Variants in FRMD4B observed in about 807,000 individuals in gnomAD.
FRMD4B encodes the protein FERM domain containing 4B.
Under a neutral mutation model 141.5 loss-of-function variants are expected in FRMD4B, and 74 were observed. The ratio of observed to expected loss-of-function variants is 0.52; its 90% confidence interval spans 0.43 to 0.63. The LOEUF (loss-of-function observed/expected upper bound fraction) is 0.63, where lower values mean the gene tolerates loss of function less well. FRMD4B is among the 30% of genes least tolerant of loss of function. The pLI, the probability that FRMD4B is intolerant of heterozygous loss-of-function variation, is 0.00. For synonymous variants in FRMD4B, 506 were observed against 467.9 expected, an observed-to-expected ratio of 1.08 and a Z score of -1.05; for missense variants, 1,366 against 1,253.4, an observed-to-expected ratio of 1.09 and a Z score of -1.36.
At chr3:69,469,938 C>T (rs9310155) in intron 1 of FRMD4B, among the ~76,000 whole-genome samples, 3,773 of 152,136 alleles carry the variant, frequency 0.025, 168 homozygotes, top group African/African-American at 0.086. Flanking sequence ...TGTGTTGCAG[C>T]GAATGTTTCA....
intron 1 of FRMD4B, chr3:69,472,309 T>C (rs895118518): frequency 7.0e-6 from 3 of 428,976 alleles, no homozygotes; most frequent in African/African-American, 6.2e-5. Context: ...AACTTTTTTT[T>C]TCTTTGCATA....
chr3:69,250,653 C>T (rs2093458908), intron 5 of FRMD4B, among the ~76,000 whole-genome samples: 1 of 151,522 alleles, frequency 6.6e-6, no homozygotes, highest in South Asian at 2.1e-4. Flanking sequence ...AAATCAGTTA[C>T]AGCAAATGCT....
chr3:69,267,624 TATATATATATATAGAGAGAGAG>T (rs1559765373), intron 5 of FRMD4B, among the ~76,000 whole-genome samples: 71 of 18,424 alleles, frequency 3.9e-3, no homozygotes, highest in East Asian at 0.015. Context: ...TATATATATA[TATATATATATATAGAGAGAGAG>T]AGAGAGAGAG....
intron 7 of FRMD4B, among the ~76,000 whole-genome samples, chr3:69,230,849 G>C (rs1229885477): frequency 6.6e-6 from 1 of 151,946 alleles, no homozygotes; most frequent in Non-Finnish European, 1.5e-5. Flanking sequence ...TCATGTAATA[G>C]AATACCACGC....
In FRMD4B at chr3:69,200,508, C is replaced by G. The variant is rs1043390541; in HGVS notation, c.877-1734G>C. On this transcript the variant is annotated intron_variant, in intron 11 of 22. Coordinates refer to ENST00000398540, the MANE Select transcript of FRMD4B (RefSeq NM_015123.3). ...TCCCAGACGGCAGCTCCGGTGAGTTCTGAACTGAGTTTCATAAGACACTTA... is the reference window on the plus strand; with the variant it reads ...TCCCAGACGGCAGCTCCGGTGAGTTGTGAACTGAGTTTCATAAGACACTTA... 8.8e-5 allele frequency: 91 copies of G among 1,031,322 alleles called. No homozygotes were observed. In the African/African-American group the frequency reaches 1.5e-3, roughly 17 times the overall value. The allele number at this position is 1,031,322 out of a possible 1,614,324, so 63.9% of individuals were successfully genotyped here. A position where few individuals can be genotyped will look rare whatever the true frequency, so the allele number is the denominator to read the frequency against.
intron 1 of FRMD4B, among the ~76,000 whole-genome samples, chr3:69,478,105 A>T (rs1316109616): frequency 1.3e-5 from 2 of 151,712 alleles, no homozygotes; most frequent in Admixed American, 1.3e-4. Flanking sequence ...TTTCTTCTTT[A>T]TTAGTCTTGC....
At position 69,170,128 on chromosome 3, in the gene FRMD4B, G is replaced by T. The variant is rs780690962; in HGVS notation, c.*1733C>A. On this transcript the variant is annotated 3_prime_UTR_variant, in exon 23 of 23. Transcript: ENST00000398540. ...GTTTTTAATGTAAATATTTAAAAAT[G>T]TACATCCCGGAATTAATAAAATACG... 2 of 152,118 alleles carry T rather than the reference G, an allele frequency of 1.3e-5. No homozygotes were observed. Among genetic ancestry groups the T allele is most frequent in the Non-Finnish European group, 2.9e-5 (2 of 68,006 alleles). The allele number at this position is 152,118 out of a possible 1,614,324, so 9.4% of individuals were successfully genotyped here.
intron 3 of FRMD4B, among the ~76,000 whole-genome samples, chr3:69,304,792 A>G (rs1396130764): frequency 6.6e-6 from 1 of 152,180 alleles, no homozygotes; most frequent in Admixed American, 6.5e-5. Context: ...AATTCAATCT[A>G]AGAACATGCT....
chr3:69,464,443 C>T (rs868205525), intron 1 of FRMD4B, among the ~76,000 whole-genome samples: 21 of 152,168 alleles, frequency 1.4e-4, no homozygotes, highest in Admixed American at 8.5e-4. Flanking sequence ...TATATGATTT[C>T]TAAGGCAGAT....
chr3:69,353,440 T>C (rs910335290), intron 1 of FRMD4B: 5 of 280,272 alleles, frequency 1.8e-5, no homozygotes, highest in African/African-American at 1.1e-4. Flanking sequence ...CCCAGTACAA[T>C]ATTAAAATCT....
intron 1 of FRMD4B, among the ~76,000 whole-genome samples, chr3:69,476,166 T>C (rs1705994193): frequency 6.6e-6 from 1 of 151,466 alleles, no homozygotes; most frequent in Non-Finnish European, 1.5e-5. Flanking sequence ...CTGTTCACTC[T>C]GATGGTAGTT....
At chr3:69,366,009 C>A (rs1703636933) in intron 1 of FRMD4B, among the ~76,000 whole-genome samples, 1 of 150,464 alleles carries the variant, frequency 6.6e-6, no homozygotes, top group Non-Finnish European at 1.5e-5. Flanking sequence ...TCATTTGAGG[C>A]CAGGAGTTTG....
chr3:69,540,552 T>G (rs1243036706), intron 1 of FRMD4B, among the ~76,000 whole-genome samples: 2 of 141,066 alleles, frequency 1.4e-5, no homozygotes, highest in Non-Finnish European at 3.0e-5. Context: ...AGGCAGAGGT[T>G]GCAGTGAGCC....
chr3:69,429,330 C>T (rs1705138468), intron 2 of FRMD4B, among the ~76,000 whole-genome samples: 1 of 152,136 alleles, frequency 6.6e-6, no homozygotes, highest in South Asian at 2.1e-4. Flanking sequence ...ATAAGTATTG[C>T]CAAGTTAACT....
At chr3:69,303,383 A>G (rs1459027002) in intron 3 of FRMD4B, among the ~76,000 whole-genome samples, 2 of 152,068 alleles carry the variant, frequency 1.3e-5, no homozygotes, top group African/African-American at 4.8e-5. Context: ...AACAATTTCC[A>G]AGAGACGATA....
At chr3:69,214,792 A>G (rs1309470575) in intron 11 of FRMD4B, among the ~76,000 whole-genome samples, 1 of 152,056 alleles carries the variant, frequency 6.6e-6, no homozygotes, top group Non-Finnish European at 1.5e-5. Flanking sequence ...AGCCAGGGAA[A>G]TCGAGGCTGC....
intron 9 of FRMD4B, among the ~76,000 whole-genome samples, chr3:69,220,633 T>C (rs953274523): frequency 4.6e-5 from 7 of 152,136 alleles, no homozygotes; most frequent in Admixed American, 2.6e-4. Context: ...GGGCAGATCA[T>C]TTGAGGTCAA....
At chr3:69,421,980 C>T (rs1479072322) in intron 2 of FRMD4B, among the ~76,000 whole-genome samples, 1 of 152,238 alleles carries the variant, frequency 6.6e-6, no homozygotes, top group Non-Finnish European at 1.5e-5. Flanking sequence ...GATGAGTTCC[C>T]TTCAGTTGCA....
In FRMD4B at chr3:69,218,361, T is replaced by G; in HGVS notation, c.750A>C (p.Glu250Asp). 6.8e-7 allele frequency: 1 copy of G among 1,468,306 alleles called. No homozygotes were observed. The highest frequency in any genetic ancestry group is 9.5e-7 in the Non-Finnish European group (1 of 1,052,952). The allele number at this position is 1,468,306 out of a possible 1,614,324, so 91.0% of individuals were successfully genotyped here. A position where few individuals can be genotyped will look rare whatever the true frequency, so the allele number is the denominator to read the frequency against. The stretch of plus-strand genomic sequence containing the variant: ...AATGGACACCGTAAGTCGGTAGAGC[T>G]TCTACTATTTTCATATACCTATGGA... ...QAVVQYMKIV[E>D]ALPTYGVHYY... The change falls in exon 10 of 23, where the codon GAA (glutamate) becomes GAC (aspartate). Residue 250 changes from glutamate to aspartate, a missense_variant. Transcript: ENST00000398540.
Sources: allele counts gnomAD v4.1 joint callset (sites outside exome capture counted in the v4.1 genomes callset), GRCh38; gene constraint gnomAD v4.1.1; transcripts MANE v1.5; gene names NCBI Gene and HGNC (gene_info 2026-07-23, HGNC 2026-07-21).